Variants in PLEKHG1 observed in about 807,000 individuals in gnomAD.
The protein encoded by PLEKHG1 is pleckstrin homology and RhoGEF domain containing G1, also known as pleckstrin homology domain-containing family G member 1.
PLEKHG1 carries 44 observed loss-of-function variants against 100.8 expected under a neutral mutation model. That is an observed-to-expected ratio of 0.44 (90% CI 0.34 to 0.56). The LOEUF (loss-of-function observed/expected upper bound fraction) is 0.56. PLEKHG1 is among the 20% of genes least tolerant of loss of function. PLEKHG1 has a pLI of 0.01. For missense variants in PLEKHG1, 1,545 were observed against 1,720.9 expected (o/e 0.90, Z 1.81); for synonymous variants, 640 against 662.5 (o/e 0.97, Z 0.52).
At chr6:150,740,214 C>G (rs1462012697) in intron 2 of PLEKHG1, among the ~76,000 whole-genome samples, 1 of 152,208 alleles carries the variant, frequency 6.6e-6, no homozygotes, top group Non-Finnish European at 1.5e-5. Context: ...GCACCCCTCC[C>G]TTGAGGACAG....
chr6:150,603,880 G>A (rs1776475891), intron 1 of PLEKHG1, among the ~76,000 whole-genome samples: 1 of 152,314 alleles, frequency 6.6e-6, no homozygotes, highest in Middle Eastern at 3.4e-3. Context: ...GCAATTTGAA[G>A]AGTGTTAATG....
chr6:150,781,638 C>A lies in PLEKHG1; in HGVS notation c.513-4752C>A, dbSNP rs138220314. Among the ~76,000 whole-genome samples, 1,020 of 152,176 alleles carry A rather than the reference C, an allele frequency of 6.7e-3. 8 individuals are homozygous for A. The highest frequency in any genetic ancestry group is 0.023 in the African/African-American group (969 of 41,502). ...AACGGGAAAAGAGTTAATTTAATCACTCCCATCTTTCTATAAAAGAAAATG... is the reference window on the plus strand; with the variant it reads ...AACGGGAAAAGAGTTAATTTAATCAATCCCATCTTTCTATAAAAGAAAATG... On this transcript the variant is annotated intron_variant, in intron 3 of 15. Coordinates refer to ENST00000358517, the Ensembl canonical transcript of PLEKHG1.
At chr6:150,765,883 C>T (rs1316895963) in intron 2 of PLEKHG1, among the ~76,000 whole-genome samples, 1 of 152,206 alleles carries the variant, frequency 6.6e-6, no homozygotes, top group Non-Finnish European at 1.5e-5. Flanking sequence ...GATGTCTGTA[C>T]TTATCTCCTT....
intron 1 of PLEKHG1, among the ~76,000 whole-genome samples, chr6:150,729,325 G>A (rs568031553): frequency 6.6e-6 from 1 of 152,314 alleles, no homozygotes; most frequent in East Asian, 1.9e-4. Context: ...GCCTCCCAAA[G>A]TGCTGGAATT....
Position 150,840,473 on chromosome 6 carries a change from AC to A in PLEKHG1, c.3736del (p.Gln1246ArgfsTer12), listed in dbSNP as rs779087536. On this transcript the variant is annotated frameshift_variant, in exon 16 of 16. Coordinates refer to ENST00000358517, the Ensembl canonical transcript of PLEKHG1. LOFTEE classifies it low-confidence loss of function (END_TRUNC). ...TCTCAGATCTCACACTCCAAGACTC[AC>A]AGAAAGTTGTGGTGGTCAATAGAAA... is the stretch of plus-strand genomic sequence containing the variant. 1.5e-5 allele frequency: 24 copies of A among 1,614,076 alleles called. No individual in the cohort carries two copies. Among genetic ancestry groups the A allele is most frequent in the Non-Finnish European group, 1.9e-5 (23 of 1,180,026 alleles).
intron 2 of PLEKHG1, among the ~76,000 whole-genome samples, chr6:150,754,360 G>A (rs892013631): frequency 6.6e-6 from 1 of 152,162 alleles, no homozygotes; most frequent in African/African-American, 2.4e-5. Context: ...GGAAGGTCGG[G>A]AGGGATTTAA....
intron 2 of PLEKHG1, among the ~76,000 whole-genome samples, chr6:150,750,308 C>T (rs566785244): frequency 3.3e-5 from 5 of 152,062 alleles, no homozygotes; most frequent in Non-Finnish European, 5.9e-5. Flanking sequence ...TTTCTAAAGC[C>T]GAGGTTGCAC....
chr6:150,744,406 A>G (rs189142774), intron 2 of PLEKHG1, among the ~76,000 whole-genome samples: 1 of 152,230 alleles, frequency 6.6e-6, no homozygotes, highest in African/African-American at 2.4e-5. Context: ...TTCTGTAGCC[A>G]TTCCAAGAAG....
chr6:150,731,127 C>T (rs895170201), intron 1 of PLEKHG1, among the ~76,000 whole-genome samples: 19 of 152,270 alleles, frequency 1.2e-4, no homozygotes, highest in East Asian at 3.9e-4. Flanking sequence ...CAGTCCCAAA[C>T]GTGAGTAAGC....
At chr6:150,719,913 A>T (rs571277687), upstream of PLEKHG1, among the ~76,000 whole-genome samples, 1 of 152,178 alleles carries the variant, frequency 6.6e-6, no homozygotes, top group Non-Finnish European at 1.5e-5. Flanking sequence ...TTAAATAGCC[A>T]TGTGTAGGTT....
At chr6:150,708,535 G>A (rs1046558777) in intron 3 of PLEKHG1, among the ~76,000 whole-genome samples, 1 of 152,092 alleles carries the variant, frequency 6.6e-6, no homozygotes, top group Non-Finnish European at 1.5e-5. Flanking sequence ...TAAGTAAATG[G>A]GTTAGGGGAT....
chr6:150,818,170 TTCTC>T lies in PLEKHG1; in HGVS notation c.1279-9_1279-6del, dbSNP rs774614117. On this transcript the variant is annotated splice_polypyrimidine_tract_variant and intron_variant, in intron 10 of 15. Transcript: ENST00000358517. ...AAGCAATTGGAATTACAGCTCTACT[TTCTC>T]TCTTTCAGGCCAAGCAAGCAATCCT... The T allele has an allele frequency of 1.5e-5, 24 of 1,605,422 alleles. 1 individual carries two copies. The Admixed American group carries it at 3.5e-4, about 23-fold the overall frequency.
intron 2 of PLEKHG1, among the ~76,000 whole-genome samples, chr6:150,758,493 G>A (rs1009473458): frequency 6.6e-5 from 10 of 152,028 alleles, no homozygotes; most frequent in Admixed American, 2.6e-4. Flanking sequence ...ACACCACCAC[G>A]CCTGGCTAAT....
intron 3 of PLEKHG1, among the ~76,000 whole-genome samples, chr6:150,693,673 T>A (rs1055489028): frequency 5.3e-5 from 8 of 152,160 alleles, no homozygotes; most frequent in Non-Finnish European, 1.0e-4. Flanking sequence ...TCTAAGCACA[T>A]CCTCACCCAT....
exon 9 of PLEKHG1, chr6:150,809,455 C>A: frequency 2.5e-6 from 4 of 1,613,716 alleles, no homozygotes; most frequent in Non-Finnish European, 3.4e-6. Flanking sequence ...ACAAGAATCC[C>A]AAGCTGCAGC....
chr6:150,739,600 G>A lies in PLEKHG1; in HGVS notation c.411+5508G>A, dbSNP rs191576397. Among the ~76,000 whole-genome samples the A allele has an allele frequency of 1.5e-3, 224 of 152,040 alleles. 11 individuals carry two copies. The South Asian group carries it at 0.039, about 26-fold the overall frequency. ...GGAGAATGGCTTGAACCTAGGAGGC[G>A]GAGGTTGCAGTGAGCCGAGATCGTG... On this transcript the variant is annotated intron_variant, in intron 2 of 15. Transcript: ENST00000358517.
intron 2 of PLEKHG1, among the ~76,000 whole-genome samples, chr6:150,765,135 G>A (rs1187132652): frequency 6.6e-6 from 1 of 152,058 alleles, no homozygotes; most frequent in African/African-American, 2.4e-5. Flanking sequence ...AATTTGAAAG[G>A]CAAATTTTTG....
intron 2 of PLEKHG1, among the ~76,000 whole-genome samples, chr6:150,750,032 G>T (rs13216327): frequency 6.6e-6 from 1 of 150,566 alleles, no homozygotes; most frequent in Non-Finnish European, 1.5e-5. Flanking sequence ...AGATCATGCC[G>T]CTGCACTCCA....
At chr6:150,609,737 C>T (rs1776744976) in intron 1 of PLEKHG1, among the ~76,000 whole-genome samples, 1 of 152,158 alleles carries the variant, frequency 6.6e-6, no homozygotes, top group Non-Finnish European at 1.5e-5. Flanking sequence ...GCAGGTGGAG[C>T]TGTTGGGAAT....
Sources: allele counts gnomAD v4.1 joint callset (sites outside exome capture counted in the v4.1 genomes callset), GRCh38; gene constraint gnomAD v4.1.1; transcripts MANE v1.5; gene names NCBI Gene and HGNC (gene_info 2026-07-23, HGNC 2026-07-21).